The following CADM3 variants were observed in gnomAD, a reference collection of about 807,000 sequenced individuals.
CADM3 encodes the protein TSLC1-like 1.
Under a neutral mutation model 44.9 loss-of-function variants are expected in CADM3, and 11 were observed. The ratio of observed to expected loss-of-function variants is 0.25; its 90% confidence interval spans 0.15 to 0.41. The LOEUF is 0.41. Ranked by LOEUF, CADM3 falls within the 10% of genes least tolerant of loss-of-function variation. CADM3 has a pLI of 1.00. For missense variants in CADM3, 426 were observed against 512.0 expected, an observed-to-expected ratio of 0.83 and a Z score of 1.62; for synonymous variants, 207 against 205.2, an observed-to-expected ratio of 1.01 and a Z score of -0.08.
chr1:159,193,156 G>C (rs551098770), intron 3 of CADM3, among the ~76,000 whole-genome samples: 1 of 152,136 alleles, frequency 6.6e-6, no homozygotes, highest in East Asian at 1.9e-4. Flanking sequence ...CACTATTTCT[G>C]TGGCCACCCA....
rs906575498 is a variant in CADM3, at chr1:159,190,617, C to T, written c.89-1319C>T. ...TTTGGGAACAGTCACCCTGAACAGT[C>T]GATGCTATCAGTCAATAGCATCAAC... On this transcript the variant is annotated intron_variant, in intron 1 of 8. Transcript: ENST00000368125. Among the ~76,000 whole-genome samples the T allele has an allele frequency of 1.4e-4, 21 of 152,188 alleles. No homozygotes were observed. In the East Asian group the frequency reaches 4.0e-3, roughly 29 times the overall value.
chr1:159,186,484 T>C (rs1649423351), intron 1 of CADM3, among the ~76,000 whole-genome samples: 1 of 152,186 alleles, frequency 6.6e-6, no homozygotes, highest in East Asian at 1.9e-4. Context: ...TACCACCCAT[T>C]CAGAGTACTC....
At chr1:159,179,578 A>C (rs142628455) in intron 1 of CADM3, among the ~76,000 whole-genome samples, 1 of 152,306 alleles carries the variant, frequency 6.6e-6, no homozygotes, top group East Asian at 1.9e-4. Context: ...AGGATGAAGA[A>C]CTAGTACTTC....
chr1:159,199,966 G>T, intron 8 of CADM3, 90 bp downstream of exon 8: 1 of 1,500,554 alleles, frequency 6.7e-7, no homozygotes. Context: ...ACAGTGGAAA[G>T]GGCCTTCAGA....
chr1:159,200,518 GCACACACACACACACACACA>G (rs56164429), intron 8 of CADM3, among the ~76,000 whole-genome samples: 8 of 150,886 alleles, frequency 5.3e-5, no homozygotes, highest in African/African-American at 1.7e-4. Context: ...ATGCGTGCAA[GCACACACACACACACACACA>G]CACACACACA....
intron 7 of CADM3, among the ~76,000 whole-genome samples, chr1:159,199,349 G>C (rs2102138084): frequency 6.7e-6 from 1 of 150,202 alleles, no homozygotes; most frequent in East Asian, 2.0e-4. Flanking sequence ...GAGGAGAGAG[G>C]AAAGAAGGAA....
intron 1 of CADM3, among the ~76,000 whole-genome samples, chr1:159,184,190 GA>G (rs879184042): frequency 1.3e-5 from 2 of 152,216 alleles, no homozygotes; most frequent in Admixed American, 1.3e-4. Flanking sequence ...ACTGTACATA[GA>G]ATTCACTAAG....
intron 1 of CADM3, among the ~76,000 whole-genome samples, chr1:159,180,622 G>A (rs1649196575): frequency 6.6e-6 from 1 of 151,450 alleles, no homozygotes; most frequent in Non-Finnish European, 1.5e-5. Context: ...AGACTAAATA[G>A]CAGTTAGGAT....
Sources: allele counts gnomAD v4.1 joint callset (sites outside exome capture counted in the v4.1 genomes callset), GRCh38; gene constraint gnomAD v4.1.1; transcripts MANE v1.5; gene names NCBI Gene and HGNC (gene_info 2026-07-23, HGNC 2026-07-21).